The following COL12A1 variants were observed in gnomAD, a reference collection of about 807,000 sequenced individuals.
COL12A1 encodes collagen type XII alpha 1 chain, also known as collagen alpha-1(XII) chain.
In COL12A1, 114 loss-of-function variants were observed where a neutral mutation model predicts 349.7. The ratio of observed to expected loss-of-function variants is 0.33; its 90% CI spans 0.28 to 0.38. The LOEUF is 0.38. COL12A1 is among the 10% of genes least tolerant of loss of function. The pLI, the probability that COL12A1 is intolerant of heterozygous loss-of-function variation, is 1.00. For missense variants in COL12A1, 3,284 were observed against 3,756.9 expected (o/e 0.87, Z 3.29); for synonymous variants, 1,369 against 1,329.0 (o/e 1.03, Z -0.66).
chr6:75,138,263 T>A, intron 30 of COL12A1, 57 bp downstream of exon 30: 1 of 1,504,208 alleles, frequency 6.6e-7, no homozygotes, highest in Non-Finnish European at 9.1e-7. Context: ...GTACTTTTCA[T>A]TTATACATTC....
intron 37 of COL12A1, among the ~76,000 whole-genome samples, chr6:75,129,130 T>G (rs557050826): frequency 5.6e-4 from 86 of 152,360 alleles, no homozygotes; most frequent in Admixed American, 1.8e-3. Context: ...AAATTGCATA[T>G]TTGTCCATGG....
intron 43 of COL12A1, among the ~76,000 whole-genome samples, chr6:75,122,422 G>C (rs1195102790): frequency 6.6e-6 from 1 of 152,152 alleles, no homozygotes. Context: ...CTGGGCATGT[G>C]TGGGGAAGGG....
intron 59 of COL12A1, 51 bp downstream of exon 59, chr6:75,097,202 G>T: frequency 6.6e-7 from 1 of 1,518,434 alleles, no homozygotes. Context: ...GCAAAATGAG[G>T]TGAGAGGGTG....
intron 65 of COL12A1, chr6:75,087,273 G>A: frequency 4.0e-6 from 1 of 251,794 alleles, no homozygotes; most frequent in Non-Finnish European, 6.2e-6. Context: ...TCCCAATCTT[G>A]GGGAAAAGAA....
intron 10 of COL12A1, among the ~76,000 whole-genome samples, chr6:75,182,317 C>T (rs1769359237): frequency 6.6e-6 from 1 of 151,972 alleles, no homozygotes; most frequent in Non-Finnish European, 1.5e-5. Context: ...TCCATCAACT[C>T]GTCATCTACA....
rs151323698 is a variant in COL12A1 at position 75,194,781 on chromosome 6, G to A, written c.190+50C>T. The A allele has an allele frequency of 2.8e-4, 336 of 1,184,808 alleles. 4 individuals are homozygous for A. In the African/African-American group the frequency reaches 3.6e-3, roughly 13 times the overall value. 73.4% of individuals were successfully genotyped at this position (1,184,808 alleles called of 1,614,324 possible). A position where few individuals can be genotyped will look rare whatever the true frequency, so the allele number is the denominator to read the frequency against. ...AAAGGGGAGAAGAGGTGGAGATTGA[G>A]TTATATCATCATGATGCTTCTGTCC... is the stretch of plus-strand genomic sequence containing the variant. On this transcript the variant is annotated intron_variant, in intron 3 of 65. Coordinates refer to ENST00000322507, the MANE Select transcript of COL12A1 (RefSeq NM_004370.6).
At chr6:75,148,935 G>A (rs1173397800) in intron 21 of COL12A1, among the ~76,000 whole-genome samples, 1 of 152,140 alleles carries the variant, frequency 6.6e-6, no homozygotes, top group Non-Finnish European at 1.5e-5. Context: ...TACTCTAGTG[G>A]TAGTAAATGT....
At chr6:75,179,627 G>GC (rs1387736994) in intron 11 of COL12A1, among the ~76,000 whole-genome samples, 1 of 151,650 alleles carries the variant, frequency 6.6e-6, no homozygotes, top group Non-Finnish European at 1.5e-5. Context: ...AGTATAGTAT[G>GC]CCAATGTGCA....
chr6:75,137,424 ATTAAAAAAT>A lies in COL12A1; in HGVS notation c.5394+4_5394+12del. Reference sequence around the variant, plus strand: ...AGAATTAATCCAAGTTATAATTTTTATTAAAAAATTACCGTTTGCTCATTGCCTTCCCCT... The same window carrying A: ...AGAATTAATCCAAGTTATAATTTTTATACCGTTTGCTCATTGCCTTCCCCT... On this transcript the variant is annotated splice_donor_5th_base_variant and intron_variant, in intron 31 of 65. Coordinates refer to ENST00000322507, the MANE Select transcript of COL12A1 (RefSeq NM_004370.6). 2.6e-6 allele frequency: 4 copies of A among 1,553,058 alleles called. No individual in the cohort carries two copies. In the Middle Eastern group the frequency reaches 6.8e-4, roughly 264 times the overall value.
Position 75,091,661 on chromosome 6 carries a change from T to C in COL12A1, c.8650-136A>G, listed in dbSNP as rs1307711514. ...AAATGACACATCACATTTATATCCATGTTACTCACATTCTGCTTTTCTATA... is the reference window on the plus strand; with the variant it reads ...AAATGACACATCACATTTATATCCACGTTACTCACATTCTGCTTTTCTATA... On this transcript the variant is annotated intron_variant, in intron 60 of 65. Coordinates refer to ENST00000322507, the MANE Select transcript of COL12A1 (RefSeq NM_004370.6). 15 of 785,364 alleles carry C rather than the reference T, an allele frequency of 1.9e-5. No individual in the cohort carries two copies. In the Admixed American group the frequency reaches 2.5e-4, roughly 13 times the overall value. 48.6% of individuals were successfully genotyped at this position (785,364 alleles called of 1,614,324 possible).
rs2149344172 is a variant in COL12A1, at chr6:75,102,580, A to G, written c.8415+17T>C. 3 of 1,487,806 alleles carry G rather than the reference A, an allele frequency of 2.0e-6. No homozygotes were observed. The highest frequency in any genetic ancestry group is 2.8e-5 in the South Asian group (2 of 72,020). 92.2% of individuals were successfully genotyped at this position (1,487,806 alleles called of 1,614,324 possible). A position where few individuals can be genotyped will look rare whatever the true frequency, so the allele number is the denominator to read the frequency against. Reference sequence around the variant, plus strand: ...TATCCACCACTCTCATTTAATACAGAAAGGCTTTGTGCTTACTTGCTCTCC... The same window carrying G: ...TATCCACCACTCTCATTTAATACAGGAAGGCTTTGTGCTTACTTGCTCTCC... On this transcript the variant is annotated intron_variant, in intron 56 of 65. Transcript: ENST00000322507.
rs1769970547 is a variant in COL12A1 at position 75,192,266 on chromosome 6, T to C, written c.280A>G (p.Ile94Val). 2 of 1,610,628 alleles carry C rather than the reference T, an allele frequency of 1.2e-6. No individual in the cohort carries two copies. Among genetic ancestry groups the C allele is most frequent in the Non-Finnish European group, 1.7e-6 (2 of 1,177,852 alleles). Residue 94 changes from isoleucine (I) to valine (V), a missense_variant, in exon 4 of 66, where the codon ATA becomes GTA. Physicochemically the swap from Ile to Val is conservative, Grantham distance 29 (BLOSUM62 3). This residue lies in a region of COL12A1 where 2,601 missense variants were observed against 2,824.8 expected (regional missense o/e 0.92). Transcript: ENST00000322507. ...LVPETEYVVT[I>V]TSYDEVEESV... The stretch of plus-strand genomic sequence containing the variant: ...TCTTCTACTTCATCATATGAAGTTA[T>C]TGTCACCACATACTCTGTTTCAGGT...
chr6:75,126,228 A>T (rs1023817841), intron 39 of COL12A1, 123 bp downstream of exon 39: 44 of 1,117,620 alleles, frequency 3.9e-5, no homozygotes, highest in Admixed American at 1.1e-4. Flanking sequence ...GCCTTTGGTT[A>T]CAGGAAACTT....
At position 75,091,347 on chromosome 6, in the gene COL12A1, G is replaced by T. The variant is rs1767754992; in HGVS notation, c.8728C>A (p.Gln2910Lys). The change falls in exon 62 of 66, where the codon CAA (glutamine) becomes AAA (lysine). Residue 2910 changes from glutamine (Q) to lysine (K), a missense_variant. By Grantham distance (53) the Gln-to-Lys change is moderately conservative (BLOSUM62 1). This residue lies in a region of COL12A1 where 683 missense variants were observed against 932.1 expected (regional missense o/e 0.73). Coordinates refer to ENST00000322507, the MANE Select transcript of COL12A1 (RefSeq NM_004370.6). The part of the protein sequence containing the change: ...SQNMMRAVAR[Q>K]VCEQLISGQM... ...CCACTTATCAATTGTTCACAGACTT[G>T]TCTTGCAACTGCTCGCATCATGTTC... 6.2e-7 allele frequency: 1 copy of T among 1,613,574 alleles called. No individual in the cohort carries two copies. Among genetic ancestry groups the T allele is most frequent in the East Asian group, 2.2e-5 (1 of 44,820 alleles).
intron 8 of COL12A1, among the ~76,000 whole-genome samples, chr6:75,186,254 C>T (rs1224899529): frequency 2.0e-5 from 3 of 152,066 alleles, no homozygotes; most frequent in African/African-American, 7.2e-5. Context: ...CTATAAGGAA[C>T]ATAAACAAAT....
chr6:75,181,421 T>C (rs542343009), intron 10 of COL12A1, among the ~76,000 whole-genome samples: 1 of 152,188 alleles, frequency 6.6e-6, no homozygotes, highest in Non-Finnish European at 1.5e-5. Flanking sequence ...ATTATTCACC[T>C]TGACTATCTA....
intron 40 of COL12A1, 47 bp from the exon 41 acceptor site, chr6:75,124,418 AAAGTGTACTTTT>A: frequency 7.2e-7 from 1 of 1,393,170 alleles, no homozygotes; most frequent in Non-Finnish European, 9.9e-7. Flanking sequence ...ATTGAGGCAA[AAAGTGTACTTTT>A]AATCATAACA....
intron 60 of COL12A1, among the ~76,000 whole-genome samples, chr6:75,093,426 C>G (rs377738074): frequency 2.0e-5 from 3 of 152,094 alleles, no homozygotes; most frequent in Non-Finnish European, 2.9e-5. Flanking sequence ...AAGCCAAGCT[C>G]TCTGCTAAGA....
At chr6:75,094,035 A>G (rs1767891082) in intron 60 of COL12A1, among the ~76,000 whole-genome samples, 1 of 152,216 alleles carries the variant, frequency 6.6e-6, no homozygotes, top group Admixed American at 6.5e-5. Flanking sequence ...GCTAGGGTAC[A>G]CGCAGTTTTT....
Sources: allele counts gnomAD v4.1 joint callset (sites outside exome capture counted in the v4.1 genomes callset), GRCh38; gene constraint gnomAD v4.1.1; regional missense constraint gnomAD v4.1.1; transcripts MANE v1.5; gene names NCBI Gene and HGNC (gene_info 2026-07-23, HGNC 2026-07-21).